DPYD: variants seen among roughly 807,000 people sequenced by gnomAD.
DPYD encodes dihydropyrimidine dehydrogenase, also known as dihydropyrimidine dehydrogenase [NADP(+)].
DPYD carries 109 observed loss-of-function variants against 116.2 expected under a neutral mutation model. That is an observed-to-expected ratio of 0.94 (90% CI 0.80 to 1.10). DPYD has a LOEUF of 1.10. Ranked by LOEUF, DPYD falls within the 50% of genes least tolerant of loss-of-function variation. The probability of loss-of-function intolerance (pLI) is 0.00; values close to 1 mark genes in which losing one functional copy is unlikely to be tolerated. For synonymous variants in DPYD, 440 were observed against 432.0 expected (o/e 1.02, Z -0.23); for missense variants, 1,302 against 1,254.5 (o/e 1.04, Z -0.57).
At chr1:97,102,420 T>TATATATATATAG (rs58894677) in intron 20 of DPYD, among the ~76,000 whole-genome samples, 2 of 131,284 alleles carry the variant, frequency 1.5e-5, no homozygotes, top group African/African-American at 5.3e-5. Flanking sequence ...TATATATATA[T>TATATATATATAG]GTATATATGT....
chr1:97,755,202 A>G (rs1374255623), intron 3 of DPYD, among the ~76,000 whole-genome samples: 2 of 152,180 alleles, frequency 1.3e-5, no homozygotes, highest in Non-Finnish European at 2.9e-5. Flanking sequence ...AAGGTAGAAC[A>G]GATCAAGCTC....
intron 15 of DPYD, among the ~76,000 whole-genome samples, chr1:97,374,296 T>C: frequency 1.3e-5 from 2 of 152,366 alleles, no homozygotes; most frequent in South Asian, 4.1e-4. Flanking sequence ...CATTAATTCC[T>C]TGATATACAA....
intron 18 of DPYD, among the ~76,000 whole-genome samples, chr1:97,239,739 G>A (rs1292008635): frequency 6.6e-6 from 1 of 152,058 alleles, no homozygotes; most frequent in Non-Finnish European, 1.5e-5. Flanking sequence ...GCCAACTGTT[G>A]AGGTTCAAAT....
chr1:97,765,179 GTTTTAC>G (rs1320615490), intron 3 of DPYD, among the ~76,000 whole-genome samples: 1 of 152,132 alleles, frequency 6.6e-6, no homozygotes, highest in East Asian at 1.9e-4. Flanking sequence ...TCACTCTTGA[GTTTTAC>G]TTTTAGTTTC....
chr1:97,147,303 C>T (rs368256572), intron 20 of DPYD, among the ~76,000 whole-genome samples: 2 of 152,186 alleles, frequency 1.3e-5, no homozygotes, highest in African/African-American at 2.4e-5. Flanking sequence ...GAGCTGAGAT[C>T]GCGCCACTGA....
At position 97,235,001 on chromosome 1, in the gene DPYD, A is replaced by G. The variant is rs766209520; in HGVS notation, c.2300-7T>C. ...ATAGGTCTGATTGCTGTCCCTACAC[A>G]AAATCAGAATAATCAATGGTTAGCA... On this transcript the variant is annotated splice_region_variant and splice_polypyrimidine_tract_variant and intron_variant, in intron 18 of 22. Coordinates refer to ENST00000370192, the MANE Select transcript of DPYD (RefSeq NM_000110.4). The G allele has an allele frequency of 5.6e-6, 9 of 1,614,132 alleles. No homozygotes were observed. The Admixed American group carries it at 1.5e-4, about 27-fold the overall frequency.
At chr1:97,293,617 A>G (rs1666344152) in intron 18 of DPYD, among the ~76,000 whole-genome samples, 1 of 152,146 alleles carries the variant, frequency 6.6e-6, no homozygotes. Flanking sequence ...CCAAAGCTCA[A>G]CAGCAAAATC....
At chr1:97,579,477 G>C (rs1653492533) in intron 10 of DPYD, among the ~76,000 whole-genome samples, 1 of 152,178 alleles carries the variant, frequency 6.6e-6, no homozygotes, top group Non-Finnish European at 1.5e-5. Flanking sequence ...AGCAAATGGT[G>C]TTCCTCATCA....
At chr1:97,532,747 ACT>A (rs1209896541) in intron 12 of DPYD, among the ~76,000 whole-genome samples, 1 of 141,980 alleles carries the variant, frequency 7.0e-6, no homozygotes, top group Non-Finnish European at 1.5e-5. Context: ...ATTTTTGAAT[ACT>A]CTTTTTTTTT....
At chr1:97,292,233 T>C (rs1293978088) in intron 18 of DPYD, among the ~76,000 whole-genome samples, 1 of 152,138 alleles carries the variant, frequency 6.6e-6, no homozygotes, top group East Asian at 1.9e-4. Context: ...GCTACATTGG[T>C]CTGTTCTCAT....
chr1:97,431,947 T>C (rs938435625), intron 14 of DPYD, among the ~76,000 whole-genome samples: 2 of 152,266 alleles, frequency 1.3e-5, no homozygotes, highest in South Asian at 4.2e-4. Context: ...CATATGTAAG[T>C]GAGAACATGA....
chr1:97,191,375 C>A lies in DPYD; in HGVS notation c.2622+1694G>T, dbSNP rs1351632543. 2.6e-5 allele frequency among the ~76,000 whole-genome samples: 4 copies of A among 152,174 alleles called. No homozygotes were observed. The South Asian group carries it at 6.2e-4, about 24-fold the overall frequency. On this transcript the variant is annotated intron_variant, in intron 20 of 22. Transcript: ENST00000370192. ...GAATCCAGAAGCACAAATCTATTAC[C>A]AGACCATCTGCTTATTCCTCAAGTT...
intron 3 of DPYD, among the ~76,000 whole-genome samples, chr1:97,825,790 G>T (rs371887004): frequency 3.9e-5 from 6 of 151,962 alleles, no homozygotes; most frequent in African/African-American, 1.4e-4. Flanking sequence ...AAGAAAGAAA[G>T]AAAAACGGAT....
chr1:97,751,816 G>A (rs1025703457), intron 3 of DPYD, among the ~76,000 whole-genome samples: 6 of 150,366 alleles, frequency 4.0e-5, no homozygotes, highest in Non-Finnish European at 7.4e-5. Context: ...TGACTGGAGT[G>A]CAGTGGTGCC....
chr1:97,424,729 A>G (rs1052462116), intron 14 of DPYD, among the ~76,000 whole-genome samples: 3 of 152,002 alleles, frequency 2.0e-5, no homozygotes, highest in African/African-American at 7.2e-5. Flanking sequence ...AACCCTTTAA[A>G]TATTATATTT....
chr1:97,379,829 C>T (rs1333800362), intron 15 of DPYD, among the ~76,000 whole-genome samples: 1 of 152,196 alleles, frequency 6.6e-6, no homozygotes, highest in African/African-American at 2.4e-5. Flanking sequence ...CTCATTCCTT[C>T]CACTTCCTTT....
intron 2 of DPYD, among the ~76,000 whole-genome samples, chr1:97,871,954 T>A (rs1486391659): frequency 1.3e-5 from 2 of 151,912 alleles, no homozygotes; most frequent in African/African-American, 4.8e-5. Flanking sequence ...ACTATGCACA[T>A]TGACTCATTT....
intron 14 of DPYD, among the ~76,000 whole-genome samples, chr1:97,399,556 G>A (rs535758834): frequency 3.3e-5 from 5 of 152,158 alleles, no homozygotes; most frequent in South Asian, 4.2e-4. Flanking sequence ...CCATTTTCAC[G>A]ATATTTATTC....
chr1:97,709,110 T>A (rs1662144135), intron 5 of DPYD, among the ~76,000 whole-genome samples: 1 of 151,938 alleles, frequency 6.6e-6, no homozygotes, highest in Non-Finnish European at 1.5e-5. Flanking sequence ...TCTGTATACA[T>A]TTCCTTTCCT....
Sources: allele counts gnomAD v4.1 joint callset (sites outside exome capture counted in the v4.1 genomes callset), GRCh38; gene constraint gnomAD v4.1.1; transcripts MANE v1.5; gene names NCBI Gene and HGNC (gene_info 2026-07-23, HGNC 2026-07-21).